The following LIN28B variants were observed in gnomAD, a reference collection of about 807,000 sequenced individuals.
The protein encoded by LIN28B is protein lin-28 homolog B.
LIN28B carries 5 observed loss-of-function variants against 21.9 expected under a neutral mutation model. The observed-to-expected ratio is 0.23, with a 90% confidence interval of 0.12 to 0.48. The LOEUF is 0.48. Ranked by LOEUF, LIN28B falls within the 20% of genes least tolerant of loss-of-function variation. The pLI, the probability that LIN28B is intolerant of heterozygous loss-of-function variation, is 0.98. For synonymous variants in LIN28B, 109 were observed against 111.3 expected (o/e 0.98, Z 0.13); for missense variants, 245 against 310.5 (o/e 0.79, Z 1.58).
At chr6:104,989,576 G>GT (rs34394074) in intron 2 of LIN28B, among the ~76,000 whole-genome samples, 15,312 of 59,508 alleles carry the variant, frequency 0.26, 1,644 homozygotes, top group East Asian at 0.43. Context: ...TTTTACTTGG[G>GT]TTTTTTTTTT....
At chr6:104,975,098 G>T (rs148731231) in intron 2 of LIN28B, among the ~76,000 whole-genome samples, 85 of 152,242 alleles carry the variant, frequency 5.6e-4, no homozygotes, top group African/African-American at 2.0e-3. Flanking sequence ...GAGATTACAG[G>T]CGTGAGCCAC....
In LIN28B at chr6:104,995,383, G is replaced by C. The variant is rs191940640; in HGVS notation, c.199-30915G>C. Among the ~76,000 whole-genome samples, 37 of 152,282 alleles carry C rather than the reference G, an allele frequency of 2.4e-4. No individual in the cohort carries two copies. In the East Asian group the frequency reaches 6.6e-3, roughly 27 times the overall value. On this transcript the variant is annotated intron_variant, in intron 2 of 3. Coordinates refer to ENST00000345080, the MANE Select transcript of LIN28B (RefSeq NM_001004317.4). ...TTGAGTTGATTGAGTGGATCGGAGA[G>C]ACAGAAGCATGAGAATTATAGTGAA...
intron 2 of LIN28B, among the ~76,000 whole-genome samples, chr6:104,988,230 C>T (rs1215231134): frequency 6.6e-6 from 1 of 152,098 alleles, no homozygotes; most frequent in South Asian, 2.1e-4. Context: ...CTCTTTCATT[C>T]CTAGTTTGCT....
At chr6:104,971,704 T>A (rs1238749200) in intron 2 of LIN28B, among the ~76,000 whole-genome samples, 5 of 152,192 alleles carry the variant, frequency 3.3e-5, no homozygotes, top group Non-Finnish European at 7.4e-5. Context: ...TTTATTTTTT[T>A]ATGTCCTCTA....
chr6:104,985,903 G>A (rs530690919), intron 2 of LIN28B, among the ~76,000 whole-genome samples: 12 of 152,076 alleles, frequency 7.9e-5, no homozygotes, highest in Non-Finnish European at 1.6e-4. Flanking sequence ...AAATATGATC[G>A]TCTTTCCAGT....
At chr6:104,937,157 TGA>T (rs1778018483) in intron 2 of LIN28B, 2 of 152,282 alleles carry the variant, frequency 1.3e-5, no homozygotes, top group African/African-American at 4.8e-5. Flanking sequence ...TCTTTCTTTC[TGA>T]GATAGGATCT....
intron 2 of LIN28B, among the ~76,000 whole-genome samples, chr6:105,024,934 A>G (rs775654830): frequency 9.2e-5 from 14 of 152,180 alleles, no homozygotes; most frequent in Non-Finnish European, 1.8e-4. Context: ...GAAACTGCTG[A>G]GTTAAAAAAG....
At position 105,079,368 on chromosome 6, in the gene LIN28B, C is replaced by G. The variant is rs995349545; in HGVS notation, c.*585C>G. 3 of 152,554 alleles carry G rather than the reference C, an allele frequency of 2.0e-5. No individual in the cohort carries two copies. The highest frequency in any genetic ancestry group is 4.4e-5 in the Non-Finnish European group (3 of 68,028). The allele number at this position is 152,554 out of a possible 1,614,324, so 9.5% of individuals were successfully genotyped here. A position where few individuals can be genotyped will look rare whatever the true frequency, so the allele number is the denominator to read the frequency against. ...CCAGTTCTCCCGAATTTGGGATTGC[C>G]TCTTTTTCTTGAAATCTCTGGAGTA... On this transcript the variant is annotated 3_prime_UTR_variant, in exon 4 of 4. Coordinates refer to ENST00000345080, the MANE Select transcript of LIN28B (RefSeq NM_001004317.4).
chr6:105,026,558 G>C, intron 3 of LIN28B, 76 bp downstream of exon 3: 1 of 943,296 alleles, frequency 1.1e-6, no homozygotes, highest in Non-Finnish European at 1.6e-6. Context: ...TCATCTTACT[G>C]CATTTCATAT....
At chr6:105,022,523 T>C (rs1302226841) in intron 2 of LIN28B, among the ~76,000 whole-genome samples, 12 of 152,188 alleles carry the variant, frequency 7.9e-5, no homozygotes, top group Admixed American at 6.6e-4. Flanking sequence ...AAGGTCTGTC[T>C]GTCTAGATTT....
chr6:105,046,042 G>A (rs904601234), intron 3 of LIN28B, among the ~76,000 whole-genome samples: 63 of 151,812 alleles, frequency 4.1e-4, no homozygotes, highest in Non-Finnish European at 8.5e-4. Flanking sequence ...TATACTTTAA[G>A]TTCCAGGGTA....
intron 3 of LIN28B, among the ~76,000 whole-genome samples, chr6:105,048,308 T>C (rs1314849575): frequency 6.6e-6 from 1 of 152,264 alleles, no homozygotes; most frequent in African/African-American, 2.4e-5. Context: ...TCTGTTTATA[T>C]GCTGGATTAC....
chr6:105,004,420 A>G lies in LIN28B; in HGVS notation c.199-21878A>G, dbSNP rs114677311. Among the ~76,000 whole-genome samples, 693 of 151,958 alleles carry G rather than the reference A, an allele frequency of 4.6e-3. 7 individuals carry two copies. Among genetic ancestry groups the G allele is most frequent in the African/African-American group, 0.016 (665 of 41,464 alleles). ...TTTTTGTACAGACAACCACATTTAA[A>G]TTGGGTAGTGGTCTCTTTTGGTATT... On this transcript the variant is annotated intron_variant, in intron 2 of 3. Transcript: ENST00000345080.
In LIN28B at chr6:105,078,914, T is replaced by A; in HGVS notation, c.*131T>A. On this transcript the variant is annotated 3_prime_UTR_variant, in exon 4 of 4. Transcript: ENST00000345080. ...TACTATTGGGGAACTGTGAATTTTT[T>A]AAACAGACAAATCACTCTAAGCAAA... is the stretch of plus-strand genomic sequence containing the variant. 1 of 1,057,466 alleles carries A rather than the reference T, an allele frequency of 9.5e-7. No homozygotes were observed. Among genetic ancestry groups the A allele is most frequent in the Non-Finnish European group, 1.4e-6 (1 of 739,156 alleles). The allele number at this position is 1,057,466 out of a possible 1,614,324, so 65.5% of individuals were successfully genotyped here.
chr6:105,007,710 T>G (rs1770845249), intron 2 of LIN28B, among the ~76,000 whole-genome samples: 1 of 152,122 alleles, frequency 6.6e-6, no homozygotes, highest in African/African-American at 2.4e-5. Flanking sequence ...TGTTTGTTTT[T>G]GTAGAGATGG....
chr6:105,012,301 C>T (rs1455056745), intron 2 of LIN28B, among the ~76,000 whole-genome samples: 1 of 151,750 alleles, frequency 6.6e-6, no homozygotes, highest in Non-Finnish European at 1.5e-5. Flanking sequence ...AACCCTGTCT[C>T]TACTAAAAAA....
chr6:104,947,737 A>G (rs1022195709), intron 2 of LIN28B, among the ~76,000 whole-genome samples: 2 of 149,688 alleles, frequency 1.3e-5, no homozygotes, highest in Non-Finnish European at 3.0e-5. Flanking sequence ...ATTATTTTTT[A>G]TGAAAAGATG....
chr6:105,005,249 A>C (rs529952087), intron 2 of LIN28B, among the ~76,000 whole-genome samples: 2 of 151,964 alleles, frequency 1.3e-5, no homozygotes, highest in South Asian at 4.2e-4. Flanking sequence ...TCTTCCAATA[A>C]GTTTTTAGGG....
At chr6:105,030,972 A>C (rs976351616) in intron 3 of LIN28B, among the ~76,000 whole-genome samples, 4 of 151,384 alleles carry the variant, frequency 2.6e-5, no homozygotes, top group African/African-American at 9.7e-5. Context: ...TTTTATTTTG[A>C]CTTTTATTAT....
Sources: gnomAD v4.1 joint callset for allele counts (sites outside exome capture counted in the v4.1 genomes callset) on GRCh38, gnomAD v4.1.1 for gene constraint, MANE v1.5 for transcripts, NCBI Gene and HGNC (gene_info 2026-07-23, HGNC 2026-07-21) for gene names.